IARS1: variants seen among roughly 807,000 people sequenced by gnomAD.
IARS1 encodes isoleucine--tRNA ligase, cytoplasmic.
A neutral mutation model predicts 168.2 loss-of-function variants in IARS1; 124 were observed. That is an observed-to-expected ratio of 0.74 (90% CI 0.64 to 0.86). The LOEUF is 0.86. IARS1 is among the 40% of genes least tolerant of loss of function. The probability of loss-of-function intolerance (pLI) is 0.00; values close to 1 mark genes in which losing one functional copy is unlikely to be tolerated. For synonymous variants in IARS1, 532 were observed against 529.4 expected, an observed-to-expected ratio of 1.00 and a Z score of -0.07; for missense variants, 1,452 against 1,515.8, an observed-to-expected ratio of 0.96 and a Z score of 0.70.
chr9:92,284,768 C>T (rs1835173548), intron 6 of IARS1, among the ~76,000 whole-genome samples: 1 of 151,998 alleles, frequency 6.6e-6, no homozygotes, highest in Non-Finnish European at 1.5e-5. Context: ...GACTCTGACT[C>T]AAACAAACAA....
intron 33 of IARS1, among the ~76,000 whole-genome samples, chr9:92,211,965 T>C (rs545217927): frequency 8.1e-4 from 124 of 152,150 alleles, no homozygotes; most frequent in African/African-American, 2.7e-3. Context: ...ATACTGAATA[T>C]ACAACTCAAA....
intron 25 of IARS1, among the ~76,000 whole-genome samples, chr9:92,248,458 A>G (rs569570326): frequency 1.9e-4 from 29 of 151,852 alleles, no homozygotes; most frequent in African/African-American, 4.8e-4. Context: ...GGATCACTTG[A>G]GCTCAGGAGT....
At chr9:92,257,929 G>A (rs968925609) in intron 19 of IARS1, among the ~76,000 whole-genome samples, 1 of 152,222 alleles carries the variant, frequency 6.6e-6, no homozygotes, top group Non-Finnish European at 1.5e-5. Context: ...ACAATGGTCA[G>A]TTGTGGGGCA....
At chr9:92,231,365 T>C (rs1826652192) in intron 30 of IARS1, among the ~76,000 whole-genome samples, 1 of 152,092 alleles carries the variant, frequency 6.6e-6, no homozygotes, top group Non-Finnish European at 1.5e-5. Context: ...TCTGTATGCT[T>C]ATACATGCCT....
chr9:92,222,884 CTT>C (rs1271097925), intron 32 of IARS1, among the ~76,000 whole-genome samples: 10 of 151,478 alleles, frequency 6.6e-5, no homozygotes, highest in Non-Finnish European at 1.3e-4. Flanking sequence ...AAAAAAAAAA[CTT>C]ATATAAAAGC....
At chr9:92,254,464 A>G (rs1830446091) in intron 20 of IARS1, among the ~76,000 whole-genome samples, 1 of 152,254 alleles carries the variant, frequency 6.6e-6, no homozygotes, top group Non-Finnish European at 1.5e-5. Flanking sequence ...AAGAGACGAG[A>G]AGTTGCAACC....
chr9:92,215,043 C>G (rs1219726199), intron 33 of IARS1, among the ~76,000 whole-genome samples: 3 of 152,148 alleles, frequency 2.0e-5, no homozygotes, highest in Admixed American at 2.0e-4. Flanking sequence ...TTGAAGAGAG[C>G]AGTGGTTCTC....
intron 10 of IARS1, among the ~76,000 whole-genome samples, chr9:92,272,115 T>C (rs3780340): frequency 0.031 from 4,652 of 152,342 alleles, 110 homozygotes; most frequent in South Asian, 0.079. Flanking sequence ...AAGAAGTAAC[T>C]CAGCTATGAA....
At chr9:92,263,952 T>C (rs1242813107) in intron 16 of IARS1, among the ~76,000 whole-genome samples, 1 of 152,200 alleles carries the variant, frequency 6.6e-6, no homozygotes, top group African/African-American at 2.4e-5. Flanking sequence ...AAGACTTGAA[T>C]TCAATGATTA....
At chr9:92,286,959 A>G (rs1015689671) in intron 4 of IARS1, among the ~76,000 whole-genome samples, 3 of 152,248 alleles carry the variant, frequency 2.0e-5, no homozygotes, top group African/African-American at 7.2e-5. Flanking sequence ...AAAAAAAAGA[A>G]TATTTGGAAA....
intron 33 of IARS1, among the ~76,000 whole-genome samples, chr9:92,218,572 CAA>C (rs1839151932): frequency 9.0e-6 from 1 of 111,016 alleles, no homozygotes; most frequent in Non-Finnish European, 1.7e-5. Flanking sequence ...GCAACTTCAG[CAA>C]AGTCTCAGGA....
intron 4 of IARS1, 149 bp from the exon 5 acceptor site, chr9:92,286,767 A>G: frequency 2.0e-6 from 1 of 512,162 alleles, no homozygotes; most frequent in South Asian, 3.3e-5. Flanking sequence ...CCAACAACAT[A>G]TTATGTAAGG....
In IARS1 at chr9:92,258,939, C is replaced by A. The variant is rs1222302211; in HGVS notation, c.1931G>T (p.Gly644Val). 3 of 1,613,814 alleles carry A rather than the reference C, an allele frequency of 1.9e-6. No individual in the cohort carries two copies. In the African/African-American group the frequency reaches 4.0e-5, roughly 22 times the overall value. The change falls in exon 19 of 34, where the codon GGT becomes GTT. Residue 644 changes from glycine (G) to valine (V), a missense_variant. Coordinates refer to ENST00000443024, the MANE Select transcript of IARS1 (RefSeq NM_002161.6). ...RAENLRFKEEGVRDVLKDVLL... is the reference protein window; with the variant it reads ...RAENLRFKEEVVRDVLKDVLL... ...TACATCCTTAAGGACGTCCCGCACA[C>A]CCTCTTCTTTAAAGCGGAGGTTTTC...
chr9:92,214,938 C>T (rs1030065905), intron 33 of IARS1, among the ~76,000 whole-genome samples: 40 of 152,362 alleles, frequency 2.6e-4, no homozygotes, highest in African/African-American at 9.1e-4. Context: ...AGGAGGCCTG[C>T]ATGCCTCTGT....
At chr9:92,258,075 T>A (rs1430204402) in intron 19 of IARS1, among the ~76,000 whole-genome samples, 1 of 152,162 alleles carries the variant, frequency 6.6e-6, no homozygotes, top group Non-Finnish European at 1.5e-5. Context: ...GAAAACTCCA[T>A]CGAGAACTGC....
intron 21 of IARS1, 93 bp from the exon 22 acceptor site, chr9:92,251,978 G>T: frequency 1.1e-6 from 1 of 885,980 alleles, no homozygotes; most frequent in Non-Finnish European, 1.8e-6. Flanking sequence ...AATCTTCAAA[G>T]AACATGCAGC....
At chr9:92,212,078 G>A (rs994199278) in intron 33 of IARS1, among the ~76,000 whole-genome samples, 1 of 152,150 alleles carries the variant, frequency 6.6e-6, no homozygotes, top group Non-Finnish European at 1.5e-5. Flanking sequence ...TTTAAAAATA[G>A]CTCTTGTCCT....
rs749829010 is a variant in IARS1 at position 92,210,824 on chromosome 9, T to C, written c.3772A>G (p.Thr1258Ala). Residue 1258 changes from threonine to alanine, a missense_variant, in exon 34 of 34, where the codon ACA (threonine) becomes GCA (alanine). By Grantham distance (58) the Thr-to-Ala change is moderately conservative. Transcript: ENST00000443024. Reference sequence around the variant, plus strand: ...AGTACATGCTAGAAGTCTGCTGTTGTTGGTAACACAGAAACATACACAGTC... The same window carrying C: ...AGTACATGCTAGAAGTCTGCTGTTGCTGGTAACACAGAAACATACACAGTC... ...MKTVYVSVLP[T>A]TADF is the part of the protein sequence containing the mutation. 1.2e-6 allele frequency: 2 copies of C among 1,609,432 alleles called. No individual in the cohort carries two copies. The highest frequency in any genetic ancestry group is 1.1e-5 in the South Asian group (1 of 90,976).
intron 33 of IARS1, among the ~76,000 whole-genome samples, chr9:92,213,065 G>A (rs1275112473): frequency 6.6e-6 from 1 of 151,886 alleles, no homozygotes; most frequent in African/African-American, 2.4e-5. Flanking sequence ...AACCCAAGAA[G>A]AAATAGAGCT....
Sources: gnomAD v4.1 joint callset for allele counts (sites outside exome capture counted in the v4.1 genomes callset) on GRCh38, gnomAD v4.1.1 for gene constraint, MANE v1.5 for transcripts, NCBI Gene and HGNC (gene_info 2026-07-23, HGNC 2026-07-21) for gene names.